Variants in CPSF3 observed in about 807,000 individuals in gnomAD.
CPSF3 encodes cleavage and polyadenylation specificity factor subunit 3.
CPSF3 carries 57 observed loss-of-function variants against 84.1 expected under a neutral mutation model. That is an observed-to-expected ratio of 0.68 (90% CI 0.55 to 0.85). The LOEUF (loss-of-function observed/expected upper bound fraction) is 0.85. CPSF3 is among the 40% of genes least tolerant of loss of function. The pLI is 0.00. For missense variants in CPSF3, 522 were observed against 838.8 expected, an observed-to-expected ratio of 0.62 and a Z score of 4.66; for synonymous variants, 275 against 278.1, an observed-to-expected ratio of 0.99 and a Z score of 0.11.
Position 9,466,407 on chromosome 2 carries a change from C to T in CPSF3, c.1787-1300C>T, listed in dbSNP as rs891762959. Among the ~76,000 whole-genome samples, 10 of 143,650 alleles carry T rather than the reference C, an allele frequency of 7.0e-5. 1 individual carries two copies. Among genetic ancestry groups the T allele is most frequent in the Admixed American group, 1.4e-4 (2 of 14,376 alleles). The allele number at this position is 143,650 out of a possible 152,430, so 94.2% of individuals were successfully genotyped here. On this transcript the variant is annotated intron_variant, in intron 15 of 17. Transcript: ENST00000238112. ...GCACACACGCGCACACACACGCACG[C>T]GCACACACGCACACGCGCACACACG...
chr2:9,447,335 C>T (rs1335121253), intron 10 of CPSF3, among the ~76,000 whole-genome samples: 7 of 152,064 alleles, frequency 4.6e-5, no homozygotes, highest in African/African-American at 7.2e-5. Context: ...AAATATTAGC[C>T]GGGCATGGTG....
intron 11 of CPSF3, among the ~76,000 whole-genome samples, chr2:9,450,529 C>T (rs931302163): frequency 6.6e-6 from 1 of 151,992 alleles, no homozygotes; most frequent in African/African-American, 2.4e-5. Context: ...GGCTCACGCC[C>T]ATAATCCCAG....
At chr2:9,431,429 G>T (rs1227152563) in intron 4 of CPSF3, among the ~76,000 whole-genome samples, 1 of 151,834 alleles carries the variant, frequency 6.6e-6, no homozygotes, top group Admixed American at 6.6e-5. Flanking sequence ...CTTAATTGTG[G>T]TAACACTCGT....
In CPSF3 at chr2:9,428,839, T is replaced by C. The variant is rs371012899; in HGVS notation, c.114+11T>C. 5 of 1,494,534 alleles carry C rather than the reference T, an allele frequency of 3.3e-6. No individual in the cohort carries two copies. The African/African-American group carries it at 5.5e-5, about 16-fold the overall frequency. The allele number at this position is 1,494,534 out of a possible 1,614,324, so 92.6% of individuals were successfully genotyped here. ...GGAAGAAAAATAATGGTAATTACTA[T>C]TTTTGTACTCAGTTTAATAGTATGG... is the stretch of plus-strand genomic sequence containing the variant. On this transcript the variant is annotated intron_variant, in intron 2 of 17. Coordinates refer to ENST00000238112, the MANE Select transcript of CPSF3 (RefSeq NM_016207.4).
intron 15 of CPSF3, among the ~76,000 whole-genome samples, chr2:9,464,221 T>G (rs1235941040): frequency 6.6e-6 from 1 of 152,222 alleles, no homozygotes; most frequent in Non-Finnish European, 1.5e-5. Flanking sequence ...GTTTTCAGCA[T>G]GTGTGTGTCC....
At chr2:9,464,118 C>T (rs1160494876) in intron 15 of CPSF3, among the ~76,000 whole-genome samples, 1 of 152,024 alleles carries the variant, frequency 6.6e-6, no homozygotes, top group African/African-American at 2.4e-5. Flanking sequence ...TTATGTGTCC[C>T]CATTCTTAAC....
At chr2:9,472,850 T>G (rs567991424) in intron 17 of CPSF3, 66 bp from the exon 18 acceptor site, 1 of 1,068,778 alleles carries the variant, frequency 9.4e-7, no homozygotes, top group South Asian at 1.3e-5. Flanking sequence ...TAAAGAGTAT[T>G]CATTTATCTT....
At position 9,440,635 on chromosome 2, in the gene CPSF3, C is replaced by A; in HGVS notation, c.905C>A (p.Pro302His). 2 of 1,614,096 alleles carry A rather than the reference C, an allele frequency of 1.2e-6. No homozygotes were observed. Among genetic ancestry groups the A allele is most frequent in the Non-Finnish European group, 1.7e-6 (2 of 1,180,012 alleles). The change falls in exon 8 of 18, where the codon CCC becomes CAC. Residue 302 changes from proline (P) to histidine (H), a missense_variant. Around this residue, in one of 2 missense-constraint regions of CPSF3, gnomAD observed 329 missense variants for 607.2 expected, o/e 0.54. Coordinates refer to ENST00000238112, the MANE Select transcript of CPSF3 (RefSeq NM_016207.4). Reference protein sequence around the residue: ...KIRKQININNPFVFKHISNLK... With the variant: ...KIRKQININNHFVFKHISNLK... ...CGCAAACAGATCAACATCAATAATC[C>A]CTTTGTTTTCAAACACATTAGTAAC...
intron 13 of CPSF3, among the ~76,000 whole-genome samples, chr2:9,456,491 C>T (rs74706239): frequency 6.6e-6 from 1 of 152,296 alleles, no homozygotes; most frequent in African/African-American, 2.4e-5. Flanking sequence ...TATGTCTGAA[C>T]TGTCCTTGAT....
intron 10 of CPSF3, among the ~76,000 whole-genome samples, chr2:9,445,314 A>G (rs1681093420): frequency 6.6e-6 from 1 of 152,190 alleles, no homozygotes; most frequent in African/African-American, 2.4e-5. Context: ...TGCCGAAGTC[A>G]TGGTCCGTTA....
chr2:9,433,211 A>G lies in CPSF3; in HGVS notation c.519+523A>G, dbSNP rs557594837. Reference sequence around the variant, plus strand: ...ACTCCAGAGCAGCCGCTCTGAACTCAGGCTGCAAATAAGACTCACTTAGGG... The same window carrying G: ...ACTCCAGAGCAGCCGCTCTGAACTCGGGCTGCAAATAAGACTCACTTAGGG... On this transcript the variant is annotated intron_variant, in intron 5 of 17. Coordinates refer to ENST00000238112, the MANE Select transcript of CPSF3 (RefSeq NM_016207.4). Among the ~76,000 whole-genome samples the G allele has an allele frequency of 2.0e-5, 3 of 152,354 alleles. No homozygotes were observed. The East Asian group carries it at 5.8e-4, about 29-fold the overall frequency.
At chr2:9,446,776 C>T (rs1457447801) in intron 10 of CPSF3, among the ~76,000 whole-genome samples, 1 of 151,270 alleles carries the variant, frequency 6.6e-6, no homozygotes, top group African/African-American at 2.4e-5. Context: ...AACAATCTGT[C>T]TTGTAAGATA....
In CPSF3 at chr2:9,464,067, GTA is replaced by G. The variant is rs202174562; in HGVS notation, c.1787-3638_1787-3637del. Among the ~76,000 whole-genome samples, 383 of 149,424 alleles carry G rather than the reference GTA, an allele frequency of 2.6e-3. 2 individuals carry two copies. Among genetic ancestry groups the G allele is most frequent in the African/African-American group, 9.5e-3 (367 of 38,808 alleles). Reference sequence around the variant, plus strand: ...CACAACTTGTATTTGTATCTGTGGTGTATGTGTGTGTGTGTGTGTGTGTGTCT... The same window carrying G: ...CACAACTTGTATTTGTATCTGTGGTGTGTGTGTGTGTGTGTGTGTGTGTCT... On this transcript the variant is annotated intron_variant, in intron 15 of 17. Coordinates refer to ENST00000238112, the MANE Select transcript of CPSF3 (RefSeq NM_016207.4).
chr2:9,441,023 C>T (rs573420381), intron 8 of CPSF3, among the ~76,000 whole-genome samples: 2 of 152,290 alleles, frequency 1.3e-5, no homozygotes, highest in East Asian at 1.9e-4. Flanking sequence ...CCCAAGTAGC[C>T]ATGTGTTCTC....
In CPSF3 at chr2:9,432,557, G is replaced by A; in HGVS notation, c.388G>A (p.Glu130Lys). ...GCTGTATACCGAGACAGATTTGGAA[G>A]AAAGCATGGACAAAATTGAAACTAT... ...DMLYTETDLE[E>K]SMDKIETINF... The change falls in exon 5 of 18, where the codon GAA (glutamate) becomes AAA (lysine). Residue 130 changes from glutamate to lysine, a missense_variant. This residue lies in a region of CPSF3 where 329 missense variants were observed against 607.2 expected (regional missense o/e 0.54). Transcript: ENST00000238112. 6.4e-7 allele frequency: 1 copy of A among 1,561,308 alleles called. No homozygotes were observed. The highest frequency in any genetic ancestry group is 8.8e-7 in the Non-Finnish European group (1 of 1,142,060).
chr2:9,427,985 TA>T (rs1305907164), intron 1 of CPSF3, among the ~76,000 whole-genome samples: 20 of 149,700 alleles, frequency 1.3e-4, no homozygotes, highest in East Asian at 9.7e-4. Flanking sequence ...ATAAGTATTT[TA>T]AAAAAAAAAA....
intron 15 of CPSF3, 103 bp from the exon 16 acceptor site, chr2:9,467,604 A>G: frequency 1.4e-6 from 1 of 739,564 alleles, no homozygotes; most frequent in East Asian, 2.7e-5. Flanking sequence ...TTCCATAGTT[A>G]TTCACTTTAA....
At chr2:9,466,340 A>ACG (rs55864348) in intron 15 of CPSF3, among the ~76,000 whole-genome samples, 809 of 56,732 alleles carry the variant, frequency 0.014, 7 homozygotes, top group Middle Eastern at 0.091. Flanking sequence ...GCACGCACAC[A>ACG]CGCGCGCGCG....
At chr2:9,442,715 G>A (rs903774121) in intron 9 of CPSF3, among the ~76,000 whole-genome samples, 1 of 152,094 alleles carries the variant, frequency 6.6e-6, no homozygotes, top group Non-Finnish European at 1.5e-5. Flanking sequence ...AGCTGGGCGT[G>A]GTGGCGTATG....
Sources: allele counts gnomAD v4.1 joint callset (sites outside exome capture counted in the v4.1 genomes callset), GRCh38; gene constraint gnomAD v4.1.1; regional missense constraint gnomAD v4.1.1; transcripts MANE v1.5; gene names NCBI Gene and HGNC (gene_info 2026-07-23, HGNC 2026-07-21).